Variants in SLC33A1 observed in about 807,000 individuals in gnomAD.
SLC33A1 encodes the protein solute carrier family 33 member 1.
SLC33A1 carries 20 observed loss-of-function variants against 50.0 expected under a neutral mutation model. The ratio of observed to expected loss-of-function variants is 0.40; its 90% CI spans 0.28 to 0.58. The LOEUF (loss-of-function observed/expected upper bound fraction) is 0.58, where lower values mean the gene tolerates loss of function less well. Among genes scored for constraint, SLC33A1 ranks in the 20% least tolerant of loss-of-function variants. The pLI is 0.44. For missense variants in SLC33A1, 476 were observed against 657.0 expected, an observed-to-expected ratio of 0.72 and a Z score of 3.01; for synonymous variants, 265 against 251.8, an observed-to-expected ratio of 1.05 and a Z score of -0.50.
Position 155,853,779 on chromosome 3 carries a change from G to A in SLC33A1, c.219C>T (p.Ser73=). 6.2e-7 allele frequency: 1 copy of A among 1,613,642 alleles called. No individual in the cohort carries two copies. The highest frequency in any genetic ancestry group is 1.3e-5 in the African/African-American group (1 of 75,050). Residue 73 remains serine, a synonymous_variant, in exon 1 of 6, where the codon AGC becomes AGT. Transcript: ENST00000643144. The stretch of plus-strand genomic sequence containing the variant: ...AAAGAAAGAGTAGTAGCAAAATGCT[G>A]CTTAGTTCGGCCCGGAAGCTCTGTG... The part of the protein sequence containing the change: ...KAPQSFRAEL[S]SILLLLFLYV...
At chr3:155,843,178 A>G (rs1389090635) in intron 1 of SLC33A1, among the ~76,000 whole-genome samples, 9 of 152,260 alleles carry the variant, frequency 5.9e-5, no homozygotes, top group Non-Finnish European at 1.0e-4. Flanking sequence ...TTAGTGTACA[A>G]CTGAGTTGAA....
chr3:155,847,273 A>G (rs1263579137), intron 1 of SLC33A1, among the ~76,000 whole-genome samples: 1 of 152,200 alleles, frequency 6.6e-6, no homozygotes, highest in Non-Finnish European at 1.5e-5. Context: ...AAGCCTAGAC[A>G]TGAATGCTAA....
At chr3:155,835,477 G>T (rs144391299) in intron 2 of SLC33A1, among the ~76,000 whole-genome samples, 1 of 152,150 alleles carries the variant, frequency 6.6e-6, no homozygotes. Flanking sequence ...TGCAAACATA[G>T]ATAAGCAAGC....
intron 5 of SLC33A1, 152 bp from the exon 6 acceptor site, chr3:155,828,529 A>G (rs1022556054): frequency 4.9e-5 from 31 of 636,674 alleles, no homozygotes; most frequent in Non-Finnish European, 8.4e-5. Context: ...ATGTTAATGT[A>G]TCTTAATCTC....
Position 155,853,987 on chromosome 3 carries a change from G to C in SLC33A1, c.11C>G (p.Thr4Ser). 2 of 1,545,016 alleles carry C rather than the reference G, an allele frequency of 1.3e-6. No homozygotes were observed. The highest frequency in any genetic ancestry group is 1.7e-6 in the Non-Finnish European group (2 of 1,151,694). The change falls in exon 1 of 6, where the codon ACC (threonine) becomes AGC (serine). Residue 4 changes from threonine to serine, a missense_variant. Coordinates refer to ENST00000643144, the MANE Select transcript of SLC33A1 (RefSeq NM_004733.4). ...CCGGCTGCTGTCCTTGTGGGAGATG[G>C]TGGGTGACATATCAGAGACGATGCA... MSP[T>S]ISHKDSSRQR...
At position 155,833,408 on chromosome 3, in the gene SLC33A1, G is replaced by A. The variant is rs113234299; in HGVS notation, c.1266+60C>T. 6.0e-6 allele frequency: 5 copies of A among 837,392 alleles called. No homozygotes were observed. The African/African-American group carries it at 6.7e-5, about 11-fold the overall frequency. 51.9% of individuals were successfully genotyped at this position (837,392 alleles called of 1,614,324 possible). On this transcript the variant is annotated intron_variant, in intron 4 of 5. Transcript: ENST00000643144. Reference sequence around the variant, plus strand: ...CATTATTTTAAGACAACTGTAGAAAGCTGTCTTCCTTATTTTACACAGAAC... The same window carrying A: ...CATTATTTTAAGACAACTGTAGAAAACTGTCTTCCTTATTTTACACAGAAC...
intron 2 of SLC33A1, among the ~76,000 whole-genome samples, chr3:155,837,565 C>A (rs956264681): frequency 6.6e-6 from 1 of 152,032 alleles, no homozygotes; most frequent in Non-Finnish European, 1.5e-5. Context: ...CCTATCTTCA[C>A]CAAAAGTCAC....
Position 155,826,591 on chromosome 3 carries a change from T to G in SLC33A1, c.*1619A>C, listed in dbSNP as rs10513483. 3 of 151,932 alleles carry G rather than the reference T, an allele frequency of 2.0e-5. No individual in the cohort carries two copies. Among genetic ancestry groups the G allele is most frequent in the Admixed American group, 2.0e-4 (3 of 15,230 alleles). 9.4% of individuals were successfully genotyped at this position (151,932 alleles called of 1,614,324 possible). On this transcript the variant is annotated 3_prime_UTR_variant, in exon 6 of 6. Coordinates refer to ENST00000643144, the MANE Select transcript of SLC33A1 (RefSeq NM_004733.4). ...TCTAATACATGATAATGGACAACCATGTGACAAAGTACTGTAGTGTATGGT... is the reference window on the plus strand; with the variant it reads ...TCTAATACATGATAATGGACAACCAGGTGACAAAGTACTGTAGTGTATGGT...
chr3:155,837,420 GA>G (rs1435747546), intron 2 of SLC33A1, among the ~76,000 whole-genome samples: 1 of 149,626 alleles, frequency 6.7e-6, no homozygotes, highest in East Asian at 2.0e-4. Flanking sequence ...CTTAAAATCA[GA>G]ACTCTCTTAC....
chr3:155,844,491 C>T (rs1306067651), intron 1 of SLC33A1, among the ~76,000 whole-genome samples: 2 of 80,348 alleles, frequency 2.5e-5, no homozygotes, highest in Admixed American at 2.0e-4. Context: ...TTTTTTGAGA[C>T]GGAGTCTCAC....
chr3:155,853,088 G>A, intron 1 of SLC33A1, 135 bp downstream of exon 1: 1 of 761,860 alleles, frequency 1.3e-6, no homozygotes, highest in Non-Finnish European at 2.2e-6. Context: ...AAGCTCATTT[G>A]GACGAAACAG....
chr3:155,839,595 T>C (rs996768412), intron 2 of SLC33A1, among the ~76,000 whole-genome samples: 2 of 152,068 alleles, frequency 1.3e-5, no homozygotes, highest in African/African-American at 4.8e-5. Flanking sequence ...ATAGAAATGT[T>C]TGGTATAAGA....
intron 2 of SLC33A1, among the ~76,000 whole-genome samples, chr3:155,840,989 A>AT (rs1204066308): frequency 2.6e-5 from 4 of 151,084 alleles, no homozygotes; most frequent in African/African-American, 7.4e-5. Flanking sequence ...GTCTCAAAAA[A>AT]AATATATATA....
rs1043183246 is a variant in SLC33A1 at position 155,821,179 on chromosome 3, A to C, written c.*7031T>G. ...ACATCTTTTAATAAATTAACCAAAT[A>C]TAACTAACAGTTCAGATATACTCAA... On this transcript the variant is annotated 3_prime_UTR_variant, in exon 6 of 6. Transcript: ENST00000643144. 4 of 152,250 alleles carry C rather than the reference A, an allele frequency of 2.6e-5. No homozygotes were observed. Among genetic ancestry groups the C allele is most frequent in the Admixed American group, 2.6e-4 (4 of 15,288 alleles). The allele number at this position is 152,250 out of a possible 1,614,324, so 9.4% of individuals were successfully genotyped here.
chr3:155,853,751 C>T lies in SLC33A1; in HGVS notation c.247G>A (p.Val83Met), dbSNP rs199903208. Residue 83 changes from valine (V) to methionine (M), a missense_variant, in exon 1 of 6, where the codon GTG becomes ATG. Physicochemically the swap from Val to Met is conservative, Grantham distance 21 (BLOSUM62 1). Coordinates refer to ENST00000643144, the MANE Select transcript of SLC33A1 (RefSeq NM_004733.4). Reference sequence around the variant, plus strand: ...AAGCCCAGGGGAATACCCTGAAGCACGTAAAGAAAGAGTAGTAGCAAAATG... The same window carrying T: ...AAGCCCAGGGGAATACCCTGAAGCATGTAAAGAAAGAGTAGTAGCAAAATG... ...SSILLLLFLY[V>M]LQGIPLGLAG... is the part of the protein sequence containing the mutation. 2 of 1,613,996 alleles carry T rather than the reference C, an allele frequency of 1.2e-6. No homozygotes were observed. The highest frequency in any genetic ancestry group is 2.2e-5 in the East Asian group (1 of 44,870).
chr3:155,833,764 A>G, intron 3 of SLC33A1, 93 bp downstream of exon 3: 1 of 1,097,412 alleles, frequency 9.1e-7, no homozygotes, highest in Non-Finnish European at 1.4e-6. Flanking sequence ...ATCTTTTTCC[A>G]TATATATAAT....
chr3:155,838,303 C>CA lies in SLC33A1; in HGVS notation c.963+4128dup, dbSNP rs796782402. Among the ~76,000 whole-genome samples, 956 of 130,294 alleles carry CA rather than the reference C, an allele frequency of 7.3e-3. 8 individuals carry two copies. The highest frequency in any genetic ancestry group is 0.023 in the African/African-American group (803 of 35,296). The allele number at this position is 130,294 out of a possible 152,430, so 85.5% of individuals were successfully genotyped here. ...GGGCAACAAGAGCAAAAATCCATCT[C>CA]AAAAAAAAAAACTTAAAAAAAAAAA... On this transcript the variant is annotated intron_variant, in intron 2 of 5. Coordinates refer to ENST00000643144, the MANE Select transcript of SLC33A1 (RefSeq NM_004733.4).
chr3:155,846,299 A>G (rs1753172011), intron 1 of SLC33A1, among the ~76,000 whole-genome samples: 1 of 152,238 alleles, frequency 6.6e-6, no homozygotes, highest in Non-Finnish European at 1.5e-5. Flanking sequence ...GTCTAGTTCT[A>G]AAGCAAGAAA....
intron 2 of SLC33A1, among the ~76,000 whole-genome samples, chr3:155,841,999 C>T (rs1336647137): frequency 1.3e-5 from 2 of 152,018 alleles, no homozygotes; most frequent in African/African-American, 4.8e-5. Context: ...CCACCTGCCT[C>T]GGCCTCCCAA....
Sources: gnomAD v4.1 joint callset for allele counts (sites outside exome capture counted in the v4.1 genomes callset) on GRCh38, gnomAD v4.1.1 for gene constraint, MANE v1.5 for transcripts, NCBI Gene and HGNC (gene_info 2026-07-23, HGNC 2026-07-21) for gene names.